Variants in RAPGEF5 observed in about 807,000 individuals in gnomAD.
The protein encoded by RAPGEF5 is Rap guanine nucleotide exchange factor 5.
In RAPGEF5, 65 loss-of-function variants were observed where a neutral mutation model predicts 125.2. The observed-to-expected ratio is 0.52, with a 90% CI of 0.43 to 0.64. The LOEUF (loss-of-function observed/expected upper bound fraction) is 0.64, where lower values mean the gene tolerates loss of function less well. Among genes scored for constraint, RAPGEF5 ranks in the 30% least tolerant of loss-of-function variants. The pLI, the probability that RAPGEF5 is intolerant of heterozygous loss-of-function variation, is 0.00. For synonymous variants in RAPGEF5, 391 were observed against 385.9 expected, an observed-to-expected ratio of 1.01 and a Z score of -0.16; for missense variants, 958 against 1,048.1, an observed-to-expected ratio of 0.91 and a Z score of 1.19.
intron 1 of RAPGEF5, among the ~76,000 whole-genome samples, chr7:22,338,831 A>G (rs1433719994): frequency 6.6e-6 from 1 of 152,254 alleles, no homozygotes; most frequent in Admixed American, 6.5e-5. Context: ...CTAGTCAGAC[A>G]TGAGCAGGGC....
intron 10 of RAPGEF5, 98 bp downstream of exon 10, chr7:22,193,817 G>A: frequency 6.2e-7 from 1 of 1,611,532 alleles, no homozygotes; most frequent in South Asian, 1.1e-5. Flanking sequence ...GGAGGGTAGA[G>A]GAGGCAGAGA....
chr7:22,334,116 C>G (rs1783981450), intron 1 of RAPGEF5, among the ~76,000 whole-genome samples: 1 of 150,906 alleles, frequency 6.6e-6, no homozygotes, highest in South Asian at 2.1e-4. Context: ...TCCAGTATCG[C>G]CAATCCACCC....
At chr7:22,134,770 G>C (rs762386141) in intron 23 of RAPGEF5, among the ~76,000 whole-genome samples, 13 of 152,100 alleles carry the variant, frequency 8.5e-5, no homozygotes, top group Non-Finnish European at 1.6e-4. Context: ...CAAATAAAAA[G>C]CACAGACCTT....
intron 7 of RAPGEF5, among the ~76,000 whole-genome samples, chr7:22,262,455 T>C (rs886830947): frequency 2.6e-5 from 4 of 152,186 alleles, no homozygotes; most frequent in African/African-American, 7.2e-5. Context: ...CTGAGAGACT[T>C]TGGAGCACTT....
chr7:22,156,789 C>G (rs772864604), intron 16 of RAPGEF5, 21 bp downstream of exon 16: 2 of 1,613,514 alleles, frequency 1.2e-6, no homozygotes, highest in Admixed American at 3.3e-5. Flanking sequence ...CCCCCAAACC[C>G]TCACTTCAAA....
At position 22,167,145 on chromosome 7, in the gene RAPGEF5, G is replaced by T; in HGVS notation, c.1208C>A (p.Thr403Asn). The T allele has an allele frequency of 1.2e-5, 19 of 1,610,598 alleles. No individual in the cohort carries two copies. Among genetic ancestry groups the T allele is most frequent in the Non-Finnish European group, 1.6e-5 (19 of 1,177,892 alleles). The part of the protein sequence containing the change: ...LEEVQDKETE[T>N]LLDDFLLTYT... Reference sequence around the variant, plus strand: ...CGTGAGAAGGAAGTCATCCAGGAGGGTCTCTGCAAAGAAAAAAAAAACAAA... The same window carrying T: ...CGTGAGAAGGAAGTCATCCAGGAGGTTCTCTGCAAAGAAAAAAAAAACAAA... Residue 403 changes from threonine to asparagine, a missense_variant, in exon 12 of 26, where the codon ACC becomes AAC. By Grantham distance (65) the Thr-to-Asn change is moderately conservative. Transcript: ENST00000665637.
chr7:22,284,635 AG>A (rs1436809030), intron 6 of RAPGEF5, among the ~76,000 whole-genome samples: 1 of 152,184 alleles, frequency 6.6e-6, no homozygotes, highest in Non-Finnish European at 1.5e-5. Context: ...AAGAAATAAA[AG>A]GTAACAAGAT....
intron 8 of RAPGEF5, among the ~76,000 whole-genome samples, chr7:22,229,785 A>G (rs1436399123): frequency 6.6e-6 from 1 of 152,174 alleles, no homozygotes; most frequent in Non-Finnish European, 1.5e-5. Context: ...CTTCCTTCCT[A>G]ACCAGCTTAG....
At chr7:22,252,781 G>C (rs1786657156) in intron 7 of RAPGEF5, among the ~76,000 whole-genome samples, 1 of 152,284 alleles carries the variant, frequency 6.6e-6, no homozygotes, top group South Asian at 2.1e-4. Context: ...CCCAGTGGGA[G>C]AGTTAGAAAA....
At chr7:22,284,993 C>T (rs1394289530) in intron 6 of RAPGEF5, among the ~76,000 whole-genome samples, 3 of 152,088 alleles carry the variant, frequency 2.0e-5, no homozygotes. Flanking sequence ...GTTTAATATA[C>T]CTAAGCTACC....
intron 5 of RAPGEF5, among the ~76,000 whole-genome samples, chr7:22,292,629 G>A (rs1458770473): frequency 6.6e-6 from 1 of 152,146 alleles, no homozygotes; most frequent in African/African-American, 2.4e-5. Flanking sequence ...GAACAGACTG[G>A]AAACGCTTTA....
At position 22,122,360 on chromosome 7, in the gene RAPGEF5, C is replaced by A; in HGVS notation, c.*46G>T. ...GCAACGTGCTTGGCATAGACATTCC[C>A]GTAGCTCAAAGTGCTGCAGATACAG... On this transcript the variant is annotated 3_prime_UTR_variant, in exon 26 of 26. Transcript: ENST00000665637. The A allele has an allele frequency of 6.9e-7, 1 of 1,457,048 alleles. No homozygotes were observed. Among genetic ancestry groups the A allele is most frequent in the South Asian group, 1.1e-5 (1 of 87,154 alleles). The allele number at this position is 1,457,048 out of a possible 1,614,324, so 90.3% of individuals were successfully genotyped here.
intron 20 of RAPGEF5, among the ~76,000 whole-genome samples, chr7:22,142,597 G>A (rs1473894750): frequency 6.6e-6 from 1 of 152,164 alleles, no homozygotes; most frequent in Non-Finnish European, 1.5e-5. Context: ...CACACTTTCT[G>A]GAGAAGACAA....
intron 8 of RAPGEF5, among the ~76,000 whole-genome samples, chr7:22,222,212 C>T (rs1785808395): frequency 6.6e-6 from 1 of 152,166 alleles, no homozygotes; most frequent in South Asian, 2.1e-4. Context: ...CGCCAGTGCA[C>T]TGGACGACAG....
intron 7 of RAPGEF5, among the ~76,000 whole-genome samples, chr7:22,238,645 A>G (rs1562776653): frequency 6.6e-6 from 1 of 152,214 alleles, no homozygotes; most frequent in Admixed American, 6.5e-5. Flanking sequence ...AAGTGAGATC[A>G]ACTTCCTTGG....
rs1050854 is a variant in RAPGEF5, at chr7:22,119,641, G to C, written c.*2765C>G. On this transcript the variant is annotated 3_prime_UTR_variant, in exon 26 of 26. Transcript: ENST00000665637. This position sits in a 1 kb window ranked among gnomAD's most constrained non-coding sequence, Gnocchi z 4.1. ...CAAAGACCCACAGGACTGTCTGAGA[G>C]TTGTGCTGTAACAAAAAGAGCCCAC... is the stretch of plus-strand genomic sequence containing the variant. 1.3e-5 allele frequency: 2 copies of C among 152,338 alleles called. No individual in the cohort carries two copies. Among genetic ancestry groups the C allele is most frequent in the African/African-American group, 4.8e-5 (2 of 41,572 alleles). 9.4% of individuals were successfully genotyped at this position (152,338 alleles called of 1,614,324 possible).
Position 22,131,056 on chromosome 7 carries a change from A to G in RAPGEF5, c.2462T>C (p.Leu821Pro). 1 of 1,538,264 alleles carries G rather than the reference A, an allele frequency of 6.5e-7. No homozygotes were observed. Among genetic ancestry groups the G allele is most frequent in the Non-Finnish European group, 8.8e-7 (1 of 1,141,702 alleles). The change falls in exon 24 of 26, where the codon CTT becomes CCT. Residue 821 changes from leucine to proline, a missense_variant. Physicochemically the swap from Leu to Pro is moderately conservative, Grantham distance 98. Transcript: ENST00000665637. Reference protein sequence around the residue: ...HEGNKTFLDNLVNFEKLHMIA... With the variant: ...HEGNKTFLDNPVNFEKLHMIA... ...ACGTACCAGCTTTTCAAAATTGACA[A>G]GATTATCCAAAAAAGTTTTATTTCC...
intron 9 of RAPGEF5, among the ~76,000 whole-genome samples, chr7:22,203,417 T>C (rs1056975747): frequency 6.6e-6 from 1 of 152,248 alleles, no homozygotes; most frequent in African/African-American, 2.4e-5. Flanking sequence ...AGATAGCTAA[T>C]GCTCTATGGG....
chr7:22,354,498 T>C (rs1353816951), intron 1 of RAPGEF5, among the ~76,000 whole-genome samples: 5 of 152,224 alleles, frequency 3.3e-5, no homozygotes, highest in African/African-American at 4.8e-5. Context: ...ACCAGTCTGA[T>C]ACATATTCTA....
Sources: gnomAD v4.1 joint callset for allele counts (sites outside exome capture counted in the v4.1 genomes callset) on GRCh38, gnomAD v4.1.1 for gene constraint, Gnocchi (gnomAD v3.1) non-coding constraint, MANE v1.5 for transcripts, NCBI Gene and HGNC (gene_info 2026-07-23, HGNC 2026-07-21) for gene names.